Variants in EDIL3 observed in about 807,000 individuals in gnomAD.
The protein encoded by EDIL3 is EGF-like repeat and discoidin I-like domain-containing protein 3.
In EDIL3, 37 loss-of-function variants were observed where a neutral mutation model predicts 67.4. The ratio of observed to expected loss-of-function variants is 0.55; its 90% CI spans 0.42 to 0.72. The LOEUF (loss-of-function observed/expected upper bound fraction) is 0.72, where lower values mean the gene tolerates loss of function less well. Among genes scored for constraint, EDIL3 ranks in the 30% least tolerant of loss-of-function variants. EDIL3 has a pLI of 0.00. For missense variants in EDIL3, 527 were observed against 586.3 expected, an observed-to-expected ratio of 0.90 and a Z score of 1.04; for synonymous variants, 195 against 196.3, an observed-to-expected ratio of 0.99 and a Z score of 0.05.
chr5:84,273,790 G>T (rs1487112322), intron 1 of EDIL3, among the ~76,000 whole-genome samples: 4 of 152,118 alleles, frequency 2.6e-5, no homozygotes, highest in Non-Finnish European at 5.9e-5. Context: ...CATGGTGCTG[G>T]ATTCTTTCAC....
intron 3 of EDIL3, among the ~76,000 whole-genome samples, chr5:84,212,332 C>T (rs1035472182): frequency 6.6e-6 from 1 of 152,110 alleles, no homozygotes; most frequent in African/African-American, 2.4e-5. Flanking sequence ...AGAATGAGTT[C>T]CTATTACCGG....
chr5:84,129,406 A>G (rs1362728214), intron 5 of EDIL3, among the ~76,000 whole-genome samples: 1 of 152,044 alleles, frequency 6.6e-6, no homozygotes, highest in Non-Finnish European at 1.5e-5. Flanking sequence ...ATGTATCTCT[A>G]TATATTTATA....
At position 84,270,595 on chromosome 5, in the gene EDIL3, C is replaced by T. The variant is rs745689925; in HGVS notation, c.68-16383G>A. Among the ~76,000 whole-genome samples the T allele has an allele frequency of 1.0e-3, 156 of 152,102 alleles. 2 individuals are homozygous for T. Among genetic ancestry groups the T allele is most frequent in the Admixed American group, 3.3e-4 (5 of 15,256 alleles). ...ACTGAGAGGGTGAAATTTGTATTTG[C>T]TTTAACGAACACCAACAACATACTA... On this transcript the variant is annotated intron_variant, in intron 1 of 10. Transcript: ENST00000296591.
chr5:84,065,352 T>C lies in EDIL3; in HGVS notation c.808-508A>G, dbSNP rs1008095212. 6.6e-5 allele frequency among the ~76,000 whole-genome samples: 10 copies of C among 152,184 alleles called. No individual in the cohort carries two copies. The East Asian group carries it at 7.7e-4, about 12-fold the overall frequency. On this transcript the variant is annotated intron_variant, in intron 7 of 10. Coordinates refer to ENST00000296591, the MANE Select transcript of EDIL3 (RefSeq NM_005711.5). ...CAACCAGTCCCATGTACTTGGATAATAGAATTCCTTATTAAAATTTCCAGC... is the reference window on the plus strand; with the variant it reads ...CAACCAGTCCCATGTACTTGGATAACAGAATTCCTTATTAAAATTTCCAGC...
At chr5:84,349,976 CTTTA>C (rs997595793) in intron 1 of EDIL3, among the ~76,000 whole-genome samples, 5 of 152,176 alleles carry the variant, frequency 3.3e-5, no homozygotes, top group African/African-American at 7.2e-5. Flanking sequence ...AGATACTACT[CTTTA>C]TTTATTTCTA....
At chr5:84,244,486 A>C (rs1744865706) in intron 2 of EDIL3, among the ~76,000 whole-genome samples, 1 of 148,292 alleles carries the variant, frequency 6.7e-6, no homozygotes, top group Non-Finnish European at 1.5e-5. Flanking sequence ...AAAAGCTTTT[A>C]CCATGTTGGC....
chr5:84,309,599 T>A (rs1746345044), intron 1 of EDIL3, among the ~76,000 whole-genome samples: 1 of 151,534 alleles, frequency 6.6e-6, no homozygotes, highest in African/African-American at 2.4e-5. Context: ...CGGTGTTTGG[T>A]TTTTTGTCCT....
chr5:84,362,334 A>G (rs1444974928), intron 1 of EDIL3, among the ~76,000 whole-genome samples: 1 of 152,114 alleles, frequency 6.6e-6, no homozygotes, highest in Non-Finnish European at 1.5e-5. Context: ...CATGTGAATA[A>G]GGCTTACATT....
At position 84,084,929 on chromosome 5, in the gene EDIL3, C is replaced by T. The variant is rs1156567706; in HGVS notation, c.652-18323G>A. Among the ~76,000 whole-genome samples the T allele has an allele frequency of 3.9e-5, 6 of 152,118 alleles. 1 individual carries two copies. The highest frequency in any genetic ancestry group is 3.9e-4 in the Admixed American group (6 of 15,278). ...TCTACAGTTCAATTTTTTAAAAAAT[C>T]TACAGTTCAATTAAAAAAATTCACC... On this transcript the variant is annotated intron_variant, in intron 6 of 10. Coordinates refer to ENST00000296591, the MANE Select transcript of EDIL3 (RefSeq NM_005711.5).
At chr5:84,037,977 C>CT (rs1200843511) in intron 9 of EDIL3, among the ~76,000 whole-genome samples, 8 of 119,684 alleles carry the variant, frequency 6.7e-5, no homozygotes, top group African/African-American at 2.7e-4. Flanking sequence ...CTTTTCTTTT[C>CT]TTTCTTTCTT....
chr5:84,380,425 C>T (rs1201225855), intron 1 of EDIL3, among the ~76,000 whole-genome samples: 2 of 152,030 alleles, frequency 1.3e-5, no homozygotes, highest in Non-Finnish European at 2.9e-5. Flanking sequence ...ACACTCAACA[C>T]ATATTTGCAA....
chr5:84,236,569 C>T (rs1744687272), intron 2 of EDIL3, among the ~76,000 whole-genome samples: 1 of 152,050 alleles, frequency 6.6e-6, no homozygotes, highest in Non-Finnish European at 1.5e-5. Flanking sequence ...AACCCCACTA[C>T]CTTTTAAACT....
At chr5:84,039,412 C>T (rs1746080234) in intron 9 of EDIL3, among the ~76,000 whole-genome samples, 2 of 152,076 alleles carry the variant, frequency 1.3e-5, no homozygotes, top group Non-Finnish European at 2.9e-5. Flanking sequence ...TCTTTACCAC[C>T]AGAACGAAAT....
chr5:84,378,355 T>C (rs1475134768), intron 1 of EDIL3, among the ~76,000 whole-genome samples: 1 of 152,180 alleles, frequency 6.6e-6, no homozygotes, highest in Non-Finnish European at 1.5e-5. Context: ...TTCTCTTATA[T>C]GGTGATACAC....
At chr5:84,333,055 A>G (rs544678476) in intron 1 of EDIL3, among the ~76,000 whole-genome samples, 1 of 152,332 alleles carries the variant, frequency 6.6e-6, no homozygotes, top group African/African-American at 2.4e-5. Flanking sequence ...AGCTAGATAG[A>G]TAAAATAAGA....
intron 3 of EDIL3, among the ~76,000 whole-genome samples, chr5:84,213,191 G>GTTTT (rs34340201): frequency 5.2e-4 from 77 of 149,154 alleles, no homozygotes; most frequent in African/African-American, 1.9e-3. Context: ...ATTTTCAGTG[G>GTTTT]TTTTTTTTTT....
chr5:84,181,569 T>C (rs1749013520), intron 3 of EDIL3, among the ~76,000 whole-genome samples: 2 of 152,216 alleles, frequency 1.3e-5, no homozygotes, highest in African/African-American at 4.8e-5. Flanking sequence ...TGTCACGGTC[T>C]GTAGGCTCAT....
chr5:84,090,560 C>G (rs1401207505), intron 6 of EDIL3, among the ~76,000 whole-genome samples: 4 of 151,992 alleles, frequency 2.6e-5, no homozygotes, highest in Non-Finnish European at 5.9e-5. Context: ...GGTTGGGAAC[C>G]ATATTTAAAA....
At chr5:84,070,148 T>G (rs1017398213) in intron 6 of EDIL3, among the ~76,000 whole-genome samples, 1 of 152,140 alleles carries the variant, frequency 6.6e-6, no homozygotes, top group Non-Finnish European at 1.5e-5. Flanking sequence ...TGAGAGCTGC[T>G]TCCACCACTC....
Sources: gnomAD v4.1 joint callset for allele counts (sites outside exome capture counted in the v4.1 genomes callset) on GRCh38, gnomAD v4.1.1 for gene constraint, MANE v1.5 for transcripts, NCBI Gene and HGNC (gene_info 2026-07-23, HGNC 2026-07-21) for gene names.